Variants in PRUNE2 observed in about 807,000 individuals in gnomAD.
PRUNE2 encodes protein prune homolog 2.
Under a neutral mutation model 252.0 loss-of-function variants are expected in PRUNE2, and 164 were observed. That is an observed-to-expected ratio of 0.65 (90% CI 0.57 to 0.74). The LOEUF is 0.74. Ranked by LOEUF, PRUNE2 falls within the 30% of genes least tolerant of loss-of-function variation. The pLI is 0.00. For synonymous variants in PRUNE2, 1,292 were observed against 1,350.2 expected, an observed-to-expected ratio of 0.96 and a Z score of 0.94; for missense variants, 3,495 against 3,711.0, an observed-to-expected ratio of 0.94 and a Z score of 1.51.
intron 6 of PRUNE2, among the ~76,000 whole-genome samples, chr9:76,726,213 C>T (rs993059873): frequency 2.0e-5 from 3 of 152,156 alleles, no homozygotes; most frequent in Non-Finnish European, 4.4e-5. Context: ...CACTTGGGTT[C>T]GGTGCCTATC....
At chr9:76,887,337 G>T (rs1195271308) in intron 1 of PRUNE2, among the ~76,000 whole-genome samples, 1 of 151,924 alleles carries the variant, frequency 6.6e-6, no homozygotes, top group East Asian at 1.9e-4. Flanking sequence ...ATTTTTTAAG[G>T]TTTTTAATTG....
intron 2 of PRUNE2, among the ~76,000 whole-genome samples, chr9:76,851,289 C>T (rs540121826): frequency 2.2e-4 from 33 of 152,122 alleles, no homozygotes; most frequent in Middle Eastern, 3.4e-3. Flanking sequence ...GGTTCATGCC[C>T]GTAATCCCAG....
intron 6 of PRUNE2, among the ~76,000 whole-genome samples, chr9:76,752,579 A>C (rs2050734659): frequency 6.6e-6 from 1 of 152,148 alleles, no homozygotes; most frequent in Non-Finnish European, 1.5e-5. Context: ...CCTTTTTTCT[A>C]TAAGCTTTCA....
In PRUNE2 at chr9:76,703,451, T is replaced by C. The variant is rs4745571; in HGVS notation, c.8162A>G (p.Asn2721Ser). Residue 2721 changes from asparagine (N) to serine (S), a missense_variant, in exon 9 of 19, where the codon AAT (asparagine) becomes AGT (serine). Physicochemically the swap from Asn to Ser is conservative, Grantham distance 46. Coordinates refer to ENST00000376718, the MANE Select transcript of PRUNE2 (RefSeq NM_015225.3). ...CTGTGGTGAAAGCATTTCCCATTCA[T>C]TGTCATGGGTGACAGCCTGCAACGT... ...AVTLQAVTHDNEWEMLSPQPV... is the reference protein window; with the variant it reads ...AVTLQAVTHDSEWEMLSPQPV... 0.16 allele frequency: 262,054 copies of C among 1,608,220 alleles called. 23,229 individuals are homozygous for C. Among genetic ancestry groups the C allele is most frequent in the Admixed American group, 0.29 (17,148 of 59,316 alleles).
intron 2 of PRUNE2, 74 bp from the exon 3 acceptor site, chr9:76,850,739 G>A (rs2059912982): frequency 9.0e-7 from 1 of 1,116,670 alleles, no homozygotes; most frequent in Non-Finnish European, 1.3e-6. Context: ...TCTCCAGCCT[G>A]GGGGTAACTG....
At chr9:76,724,301 T>C (rs1198423754) in intron 6 of PRUNE2, among the ~76,000 whole-genome samples, 1 of 25,386 alleles carries the variant, frequency 3.9e-5, no homozygotes, top group Non-Finnish European at 9.1e-5. Flanking sequence ...CTGATAGAAA[T>C]ACAAAAAAAA....
chr9:76,890,264 T>C (rs1004909148), intron 1 of PRUNE2, among the ~76,000 whole-genome samples: 4 of 152,126 alleles, frequency 2.6e-5, no homozygotes, highest in Non-Finnish European at 5.9e-5. Flanking sequence ...AAAACACTGA[T>C]AGATGTTAAC....
intron 1 of PRUNE2, among the ~76,000 whole-genome samples, chr9:76,870,982 A>C (rs2061165029): frequency 1.3e-5 from 2 of 152,196 alleles, no homozygotes. Flanking sequence ...ACTATGGATC[A>C]TGTTGTTTTT....
In PRUNE2 at chr9:76,708,548, A is replaced by C; in HGVS notation, c.3726T>G (p.Asp1242Glu). 1.2e-6 allele frequency: 2 copies of C among 1,613,910 alleles called. No individual in the cohort carries two copies. The highest frequency in any genetic ancestry group is 1.7e-6 in the Non-Finnish European group (2 of 1,179,870). ...FMLPGSSHIT[D>E]SEQRELPPEI... ...CAGGAGGCAATTCCCTTTGCTCTGAATCTGTGATATGTGAGGAGCCTGGTA... is the reference window on the plus strand; with the variant it reads ...CAGGAGGCAATTCCCTTTGCTCTGACTCTGTGATATGTGAGGAGCCTGGTA... Residue 1242 changes from aspartate (D) to glutamate (E), a missense_variant, in exon 8 of 19, where the codon GAT becomes GAG. Transcript: ENST00000376718.
intron 9 of PRUNE2, 65 bp from the exon 10 acceptor site, chr9:76,655,567 G>T: frequency 8.4e-7 from 1 of 1,188,834 alleles, no homozygotes; most frequent in Non-Finnish European, 1.2e-6. Context: ...CTTTTGAAAA[G>T]GAAACCCACA....
At chr9:76,623,459 T>C (rs1223017761) in intron 17 of PRUNE2, among the ~76,000 whole-genome samples, 2 of 152,118 alleles carry the variant, frequency 1.3e-5, no homozygotes, top group African/African-American at 2.4e-5. Context: ...CATGCCCAGC[T>C]AATTTTTGTA....
intron 6 of PRUNE2, among the ~76,000 whole-genome samples, chr9:76,714,449 C>T (rs558526149): frequency 9.2e-5 from 14 of 152,344 alleles, no homozygotes; most frequent in Admixed American, 3.3e-4. Context: ...GGCTGGAGTG[C>T]TGTGGCGTTA....
intron 6 of PRUNE2, among the ~76,000 whole-genome samples, chr9:76,751,251 G>GACACACACACAC (rs3048276): frequency 4.0e-5 from 6 of 149,244 alleles, no homozygotes; most frequent in African/African-American, 1.5e-4. Flanking sequence ...AGGGGACACA[G>GACACACACACAC]ACACACACAC....
intron 16 of PRUNE2, chr9:76,627,809 C>A: frequency 2.5e-6 from 1 of 405,886 alleles, no homozygotes; most frequent in Non-Finnish European, 4.8e-6. Context: ...GCATAAGTAA[C>A]TTCCTACTAA....
At chr9:76,840,233 G>A (rs1218517172) in intron 4 of PRUNE2, among the ~76,000 whole-genome samples, 3 of 152,232 alleles carry the variant, frequency 2.0e-5, no homozygotes, top group Non-Finnish European at 4.4e-5. Flanking sequence ...TAACAAGTAA[G>A]ATGAAGGAAG....
rs1424383265 is a variant in PRUNE2, at chr9:76,614,093, C to T, written c.*477G>A. The T allele has an allele frequency of 1.3e-5, 2 of 155,002 alleles. No individual in the cohort carries two copies. Among genetic ancestry groups the T allele is most frequent in the African/African-American group, 4.8e-5 (2 of 41,480 alleles). 9.6% of individuals were successfully genotyped at this position (155,002 alleles called of 1,614,324 possible). Reference sequence around the variant, plus strand: ...TACACCTTGTGTGGTTTGTGGCTGTCCTAGTCAGGCTTAGGATTTTAAAGG... The same window carrying T: ...TACACCTTGTGTGGTTTGTGGCTGTTCTAGTCAGGCTTAGGATTTTAAAGG... On this transcript the variant is annotated 3_prime_UTR_variant, in exon 19 of 19. Transcript: ENST00000376718.
Position 76,823,622 on chromosome 9 carries a change from C to T in PRUNE2, c.756+10G>A. The T allele has an allele frequency of 6.5e-7, 1 of 1,538,392 alleles. No homozygotes were observed. On this transcript the variant is annotated intron_variant, in intron 6 of 18. Coordinates refer to ENST00000376718, the MANE Select transcript of PRUNE2 (RefSeq NM_015225.3). ...ATCAATCAATGCTAAAAAAGCATTC[C>T]CACCCTTACCTCAAGGTTCATGCTC...
At chr9:76,697,909 A>C (rs2045537410) in intron 9 of PRUNE2, among the ~76,000 whole-genome samples, 1 of 152,226 alleles carries the variant, frequency 6.6e-6, no homozygotes, top group Non-Finnish European at 1.5e-5. Context: ...GTCTGCAAGC[A>C]CTTACTATGG....
intron 9 of PRUNE2, among the ~76,000 whole-genome samples, chr9:76,660,845 A>T (rs1373964141): frequency 6.6e-6 from 1 of 151,808 alleles, no homozygotes; most frequent in Non-Finnish European, 1.5e-5. Flanking sequence ...GGTAGTGCTT[A>T]CTTCTACAAG....
Sources: allele counts gnomAD v4.1 joint callset (sites outside exome capture counted in the v4.1 genomes callset), GRCh38; gene constraint gnomAD v4.1.1; transcripts MANE v1.5; gene names NCBI Gene and HGNC (gene_info 2026-07-23, HGNC 2026-07-21).